PRIM2: variants seen among roughly 807,000 people sequenced by gnomAD.
PRIM2 encodes the protein DNA primase large subunit.
A neutral mutation model predicts 67.3 loss-of-function variants in PRIM2; 39 were observed. The observed-to-expected ratio is 0.58, with a 90% CI of 0.45 to 0.76. The LOEUF (loss-of-function observed/expected upper bound fraction) is 0.76. Ranked by LOEUF, PRIM2 falls within the 30% of genes least tolerant of loss-of-function variation. PRIM2 has a pLI of 0.00. For missense variants in PRIM2, 398 were observed against 598.7 expected (o/e 0.66, Z 3.50); for synonymous variants, 143 against 198.7 (o/e 0.72, Z 2.36).
At chr6:57,455,366 G>T (rs1035920100) in intron 7 of PRIM2, among the ~76,000 whole-genome samples, 1 of 152,250 alleles carries the variant, frequency 6.6e-6, no homozygotes, top group South Asian at 2.1e-4. Flanking sequence ...TCGTTGATCT[G>T]TCTAATGTTG....
At chr6:57,636,138 A>G (rs1777116972) in intron 13 of PRIM2, among the ~76,000 whole-genome samples, 2 of 152,148 alleles carry the variant, frequency 1.3e-5, no homozygotes. Context: ...ACAAAACATA[A>G]TTTTTTAAAT....
chr6:57,473,279 A>T (rs1338071875), intron 7 of PRIM2, among the ~76,000 whole-genome samples: 2 of 152,126 alleles, frequency 1.3e-5, no homozygotes, highest in East Asian at 3.8e-4. Context: ...TGTGATGGGG[A>T]GGCGGCACAC....
upstream of PRIM2, among the ~76,000 whole-genome samples, chr6:57,315,273 G>A (rs1056900803): frequency 6.6e-6 from 1 of 152,206 alleles, no homozygotes. Flanking sequence ...TCTTGAAATA[G>A]TATAGATGTG....
chr6:57,602,380 C>T (rs1776486894), intron 11 of PRIM2, among the ~76,000 whole-genome samples: 1 of 152,162 alleles, frequency 6.6e-6, no homozygotes, highest in South Asian at 2.1e-4. Context: ...GTTTTTATCA[C>T]TTATTTCAGA....
At chr6:57,270,284 C>G in the PRIM2 span, among the ~76,000 whole-genome samples, 7 of 151,874 alleles carry the variant, frequency 4.6e-5, no homozygotes, top group Non-Finnish European at 5.9e-5. Flanking sequence ...TCTTCCATTT[C>G]TTTGTATCCT....
intron 12 of PRIM2, among the ~76,000 whole-genome samples, chr6:57,618,096 G>A (rs1199267193): frequency 3.9e-5 from 6 of 152,280 alleles, no homozygotes; most frequent in Non-Finnish European, 4.4e-5. Context: ...TGGTCTATAT[G>A]TCTGTCCTTA....
the PRIM2 span, among the ~76,000 whole-genome samples, chr6:57,224,379 T>C: frequency 2.8e-4 from 43 of 152,242 alleles, no homozygotes; most frequent in South Asian, 2.5e-3. Context: ...ATAAGGTACA[T>C]AGAGTAGTCA....
intron 7 of PRIM2, among the ~76,000 whole-genome samples, chr6:57,496,216 C>A (rs1184234668): frequency 3.3e-5 from 5 of 152,086 alleles, no homozygotes; most frequent in Admixed American, 6.5e-5. Flanking sequence ...TTTTAGATTA[C>A]TTAATAAAGA....
chr6:57,451,014 A>G (rs1772525670), intron 7 of PRIM2, among the ~76,000 whole-genome samples: 2 of 151,816 alleles, frequency 1.3e-5, no homozygotes, highest in Non-Finnish European at 2.9e-5. Context: ...TTATTTCTCT[A>G]TTTTCCTGAA....
the PRIM2 span, among the ~76,000 whole-genome samples, chr6:57,302,403 A>G: frequency 2.0e-5 from 3 of 152,148 alleles, no homozygotes; most frequent in South Asian, 4.1e-4. Context: ...GCACTTTTCC[A>G]TGGGTTTAAC....
Position 57,579,609 on chromosome 6 carries a change from A to G in PRIM2, c.1021-21484A>G, listed in dbSNP as rs1776041377. 1.4e-4 allele frequency among the ~76,000 whole-genome samples: 10 copies of G among 71,674 alleles called. No homozygotes were observed. The South Asian group carries it at 3.3e-3, about 24-fold the overall frequency. The allele number at this position is 71,674 out of a possible 152,430, so 47.0% of individuals were successfully genotyped here. On this transcript the variant is annotated intron_variant, in intron 10 of 13. Transcript: ENST00000615550. Reference sequence around the variant, plus strand: ...TTCTGGAGCTAATTTGATAATTAACAGTGTAAGTAGAAGTGTGCTAAAGAT... The same window carrying G: ...TTCTGGAGCTAATTTGATAATTAACGGTGTAAGTAGAAGTGTGCTAAAGAT...
chr6:57,269,773 G>T, the PRIM2 span, among the ~76,000 whole-genome samples: 18 of 152,042 alleles, frequency 1.2e-4, no homozygotes, highest in African/African-American at 4.1e-4. Context: ...GGTCTAACAT[G>T]TAAGTCTTTA....
At position 57,535,964 on chromosome 6, in the gene PRIM2, A is replaced by G. The variant is rs1774993542; in HGVS notation, c.835-1476A>G. 2.0e-5 allele frequency among the ~76,000 whole-genome samples: 3 copies of G among 152,216 alleles called. No individual in the cohort carries two copies. In the South Asian group the frequency reaches 6.2e-4, roughly 31 times the overall value. ...AGGATGTTGAATATTGATTGTATGG[A>G]TTAGAACAATGTTTAGAAAAAAATC... On this transcript the variant is annotated intron_variant, in intron 9 of 13. Transcript: ENST00000615550.
At chr6:57,529,571 G>A (rs1774843877) in intron 8 of PRIM2, among the ~76,000 whole-genome samples, 1 of 152,144 alleles carries the variant, frequency 6.6e-6, no homozygotes, top group Non-Finnish European at 1.5e-5. Context: ...TTAATGGAAT[G>A]CATAGAATCC....
At chr6:57,542,938 G>GCTTTTTTTTTTTTT (rs1581980392) in intron 10 of PRIM2, among the ~76,000 whole-genome samples, 1 of 56,884 alleles carries the variant, frequency 1.8e-5, no homozygotes, top group Admixed American at 1.6e-4. Context: ...CTGCTTATAG[G>GCTTTTTTTTTTTTT]ATTTTTTTTT....
At chr6:57,281,632 C>A in the PRIM2 span, among the ~76,000 whole-genome samples, 1 of 152,146 alleles carries the variant, frequency 6.6e-6, no homozygotes, top group African/African-American at 2.4e-5. Flanking sequence ...ATAAGAGCCT[C>A]CTGGAGTCAC....
chr6:57,320,093 G>C (rs1024180573), intron 2 of PRIM2, among the ~76,000 whole-genome samples: 1 of 152,186 alleles, frequency 6.6e-6, no homozygotes, highest in Non-Finnish European at 1.5e-5. Flanking sequence ...CCAAGTAAAT[G>C]ATGCCTACTG....
At chr6:57,336,385 G>A (rs1023480184) in intron 5 of PRIM2, among the ~76,000 whole-genome samples, 1 of 152,078 alleles carries the variant, frequency 6.6e-6, no homozygotes, top group Non-Finnish European at 1.5e-5. Context: ...CTCGAGAAGA[G>A]CAACTGCAAG....
intron 1 of PRIM2, 111 bp from the exon 2 acceptor site, chr6:57,318,326 T>C: frequency 8.7e-7 from 1 of 1,147,774 alleles, no homozygotes; most frequent in South Asian, 1.7e-5. Flanking sequence ...GTGCATGCCC[T>C]CAAATCCATT....
Sources: allele counts gnomAD v4.1 joint callset (sites outside exome capture counted in the v4.1 genomes callset), GRCh38; gene constraint gnomAD v4.1.1; transcripts MANE v1.5; gene names NCBI Gene and HGNC (gene_info 2026-07-23, HGNC 2026-07-21).